The following DIXDC1 variants were observed in gnomAD, a reference collection of about 807,000 sequenced individuals.
DIXDC1 encodes dixin.
In DIXDC1, 64 loss-of-function variants were observed where a neutral mutation model predicts 103.1. The observed-to-expected ratio is 0.62, with a 90% confidence interval of 0.51 to 0.76. DIXDC1 has a LOEUF of 0.76. DIXDC1 is among the 30% of genes least tolerant of loss of function. The pLI is 0.00. For synonymous variants in DIXDC1, 266 were observed against 298.5 expected, an observed-to-expected ratio of 0.89 and a Z score of 1.12; for missense variants, 759 against 834.2, an observed-to-expected ratio of 0.91 and a Z score of 1.11.
chr11:111,969,443 T>C (rs1325009253), intron 3 of DIXDC1, among the ~76,000 whole-genome samples: 1 of 152,150 alleles, frequency 6.6e-6, no homozygotes, highest in African/African-American at 2.4e-5. Flanking sequence ...GGGAAATATT[T>C]TATAGCCCTT....
At chr11:111,949,715 C>G (rs2137465841) in intron 1 of DIXDC1, among the ~76,000 whole-genome samples, 1 of 152,250 alleles carries the variant, frequency 6.6e-6, no homozygotes, top group South Asian at 2.1e-4. Flanking sequence ...ATCACCTGCT[C>G]CGCCCACACG....
intron 10 of DIXDC1, among the ~76,000 whole-genome samples, chr11:111,991,770 G>A (rs1010608991): frequency 6.6e-6 from 1 of 152,214 alleles, no homozygotes. Context: ...GTTATGCTCA[G>A]TGGAAATATA....
rs1555173683 is a variant in DIXDC1, at chr11:111,985,216, C to A, written c.919-16C>A. On this transcript the variant is annotated splice_polypyrimidine_tract_variant and intron_variant, in intron 7 of 19. Coordinates refer to ENST00000440460, the MANE Select transcript of DIXDC1 (RefSeq NM_001037954.4). ...GAAGGAGAGTTAAGTTTCTTTCTGCCTTTGTGGTTATTCAGGCCTTACTGC... is the reference window on the plus strand; with the variant it reads ...GAAGGAGAGTTAAGTTTCTTTCTGCATTTGTGGTTATTCAGGCCTTACTGC... 6.2e-7 allele frequency: 1 copy of A among 1,606,694 alleles called. No individual in the cohort carries two copies. The highest frequency in any genetic ancestry group is 1.1e-5 in the South Asian group (1 of 90,298).
intron 5 of DIXDC1, among the ~76,000 whole-genome samples, chr11:111,979,505 G>C (rs1860228319): frequency 6.6e-6 from 1 of 152,188 alleles, no homozygotes; most frequent in Non-Finnish European, 1.5e-5. Flanking sequence ...TGTTCTCAAG[G>C]TGCAGTGCAA....
At chr11:111,985,581 T>G (rs377026056) in intron 8 of DIXDC1, among the ~76,000 whole-genome samples, 1 of 152,222 alleles carries the variant, frequency 6.6e-6, no homozygotes, top group East Asian at 1.9e-4. Context: ...CCGACCCTTA[T>G]GGAGTTTACA....
At chr11:111,985,826 T>A (rs1204391520) in intron 8 of DIXDC1, among the ~76,000 whole-genome samples, 1 of 152,152 alleles carries the variant, frequency 6.6e-6, no homozygotes, top group East Asian at 1.9e-4. Flanking sequence ...TTATCTCCAC[T>A]TGTAAGTCCC....
chr11:111,993,638 A>ATCATTTTC lies in DIXDC1; in HGVS notation c.1366-29_1366-22dup, dbSNP rs782671193. ...TTCCCTGCCTCTTTGGCCCAAAGAAATCATTTTCTGATTTAGTGTCTATTT... is the reference window on the plus strand; with the variant it reads ...TTCCCTGCCTCTTTGGCCCAAAGAAATCATTTTCTCATTTTCTGATTTAGTGTCTATTT... On this transcript the variant is annotated intron_variant, in intron 13 of 19. Transcript: ENST00000440460. 2.5e-5 allele frequency: 40 copies of ATCATTTTC among 1,614,028 alleles called. No homozygotes were observed. The Admixed American group carries it at 6.7e-4, about 27-fold the overall frequency.
intron 1 of DIXDC1, among the ~76,000 whole-genome samples, chr11:111,953,774 C>T (rs1966857440): frequency 6.6e-6 from 1 of 152,098 alleles, no homozygotes; most frequent in Non-Finnish European, 1.5e-5. Flanking sequence ...AGAACTAACC[C>T]AAGTAACTTT....
In DIXDC1 at chr11:111,939,238, G is replaced by A. The variant is rs972063213; in HGVS notation, c.60+1679G>A. Among the ~76,000 whole-genome samples the A allele has an allele frequency of 3.3e-5, 5 of 152,180 alleles. No individual in the cohort carries two copies. The South Asian group carries it at 8.3e-4, about 25-fold the overall frequency. On this transcript the variant is annotated intron_variant, in intron 1 of 19. Coordinates refer to ENST00000440460, the MANE Select transcript of DIXDC1 (RefSeq NM_001037954.4). ...TTAGTTTTCTGCTCATTTTCACTTC[G>A]AAACCTTTCGACTGAAGAGCCACCT... is the stretch of plus-strand genomic sequence containing the variant.
chr11:111,950,432 ATATATATTTTTTTTTTTTTT>A (rs1966755254), intron 1 of DIXDC1, among the ~76,000 whole-genome samples: 2 of 21,200 alleles, frequency 9.4e-5, no homozygotes, highest in African/African-American at 5.8e-4. Flanking sequence ...ATATATATAT[ATATATATTTTTTTTTTTTTT>A]TTTTTTTTTT....
intron 10 of DIXDC1, 105 bp downstream of exon 10, chr11:111,989,160 T>G: frequency 1.2e-6 from 1 of 861,574 alleles, no homozygotes; most frequent in Non-Finnish European, 1.7e-6. Flanking sequence ...TTAATAGCTC[T>G]GTGCTATTGG....
intron 5 of DIXDC1, chr11:111,975,873 T>C (rs1860081305): frequency 2.0e-6 from 2 of 982,732 alleles, no homozygotes; most frequent in Non-Finnish European, 2.4e-6. Context: ...GAACTCTTTC[T>C]AGTATTTTAA....
At chr11:111,957,695 G>C (rs1555170692) in intron 1 of DIXDC1, among the ~76,000 whole-genome samples, 1 of 152,250 alleles carries the variant, frequency 6.6e-6, no homozygotes, top group Admixed American at 6.5e-5. Flanking sequence ...GAAAGACAAA[G>C]ACTGAGCAGC....
In DIXDC1 at chr11:111,977,893, G is replaced by A. The variant is rs1555172861; in HGVS notation, c.657-2844G>A. ...TGGCCGGAGACAGGCGGGGTGGTGG[G>A]AGCATTATGTTGGGAGGACCGGCTG... On this transcript the variant is annotated intron_variant, in intron 5 of 19. Transcript: ENST00000440460. The surrounding 1 kb of genome is among the most constrained non-coding windows in gnomAD (Gnocchi z 6.1). The A allele has an allele frequency of 9.0e-6, 13 of 1,436,942 alleles. No individual in the cohort carries two copies. The highest frequency in any genetic ancestry group is 1.2e-5 in the Non-Finnish European group (13 of 1,086,682). The allele number at this position is 1,436,942 out of a possible 1,614,324, so 89.0% of individuals were successfully genotyped here.
chr11:111,958,168 G>T lies in DIXDC1; in HGVS notation c.61-6381G>T, dbSNP rs1859450213. Among the ~76,000 whole-genome samples, 3 of 151,898 alleles carry T rather than the reference G, an allele frequency of 2.0e-5. No homozygotes were observed. Among genetic ancestry groups the T allele is most frequent in the African/African-American group, 7.3e-5 (3 of 41,334 alleles). ...ACCCAGGCATCCCTGTGCTCTTGTG[G>T]GCCAGAAGCAGGTAGGAGTCCCGGC... On this transcript the variant is annotated intron_variant, in intron 1 of 19. Coordinates refer to ENST00000440460, the MANE Select transcript of DIXDC1 (RefSeq NM_001037954.4). This position sits in a 1 kb window ranked among gnomAD's most constrained non-coding sequence, Gnocchi z 4.2.
intron 17 of DIXDC1, among the ~76,000 whole-genome samples, chr11:112,012,679 A>G (rs587675342): frequency 1.3e-5 from 2 of 152,320 alleles, no homozygotes; most frequent in South Asian, 2.1e-4. Flanking sequence ...CTTATCCTGC[A>G]TGAGTTTTTT....
At chr11:111,954,636 A>G (rs916534409) in intron 1 of DIXDC1, among the ~76,000 whole-genome samples, 3 of 152,212 alleles carry the variant, frequency 2.0e-5, no homozygotes, top group African/African-American at 7.2e-5. Flanking sequence ...CCAGTCCTCT[A>G]TGGATAATGA....
intron 17 of DIXDC1, chr11:111,996,445 A>G (rs2137591077): frequency 8.8e-6 from 2 of 228,080 alleles, no homozygotes; most frequent in South Asian, 1.8e-4. Context: ...AATATAAAAC[A>G]ACAAAAACAC....
chr11:111,940,024 G>A (rs1292547938), intron 1 of DIXDC1, among the ~76,000 whole-genome samples: 2 of 152,128 alleles, frequency 1.3e-5, no homozygotes, highest in African/African-American at 4.8e-5. Flanking sequence ...GTGTAGTTAG[G>A]GCTGTGACCT....
Sources: gnomAD v4.1 joint callset for allele counts (sites outside exome capture counted in the v4.1 genomes callset) on GRCh38, gnomAD v4.1.1 for gene constraint, Gnocchi (gnomAD v3.1) non-coding constraint, MANE v1.5 for transcripts, NCBI Gene and HGNC (gene_info 2026-07-23, HGNC 2026-07-21) for gene names.